Variants in SLC35F2 observed in about 807,000 individuals in gnomAD.
SLC35F2 encodes solute carrier family 35 member F2, also known as queuine/queuosine transporter SLC35F2.
SLC35F2 carries 25 observed loss-of-function variants against 38.1 expected under a neutral mutation model. That is an observed-to-expected ratio of 0.66 (90% CI 0.48 to 0.92). SLC35F2 has a LOEUF of 0.92. Ranked by LOEUF, SLC35F2 falls within the 40% of genes least tolerant of loss-of-function variation. SLC35F2 has a pLI of 0.00. For missense variants in SLC35F2, 409 were observed against 452.9 expected (o/e 0.90, Z 0.88); for synonymous variants, 173 against 181.7 (o/e 0.95, Z 0.38).
chr11:107,856,511 A>G (rs1272346499), intron 1 of SLC35F2, among the ~76,000 whole-genome samples: 1 of 152,230 alleles, frequency 6.6e-6, no homozygotes, highest in Non-Finnish European at 1.5e-5. Context: ...CCTGGTCAAC[A>G]TGGGGAAACC....
intron 7 of SLC35F2, among the ~76,000 whole-genome samples, chr11:107,798,568 G>T (rs1859256181): frequency 6.6e-6 from 1 of 152,068 alleles, no homozygotes; most frequent in African/African-American, 2.4e-5. Flanking sequence ...CTTTGTGTCT[G>T]GATCTATACA....
Position 107,791,077 on chromosome 11 carries a change from A to G in SLC35F2, c.*1538T>C, listed in dbSNP as rs1486934790. ...ACATTGTTACAAAAAATTTACATAC[A>G]GTTTTCTGAAAGTGGCATTTTGTTG... On this transcript the variant is annotated 3_prime_UTR_variant, in exon 8 of 8. Transcript: ENST00000525815. The G allele has an allele frequency of 6.6e-6, 1 of 152,554 alleles. No homozygotes were observed. The highest frequency in any genetic ancestry group is 2.4e-5 in the African/African-American group (1 of 41,408). 9.5% of individuals were successfully genotyped at this position (152,554 alleles called of 1,614,324 possible). A position where few individuals can be genotyped will look rare whatever the true frequency, so the allele number is the denominator to read the frequency against.
rs1031289747 is a variant in SLC35F2, at chr11:107,843,697, T to A, written c.110+14961A>T. ...TAGCAAGACCCCATTTCTACAAAAA[T>A]TTTTTTAAAATTAGGTCTAGAGATG... On this transcript the variant is annotated intron_variant, in intron 1 of 7. Transcript: ENST00000525815. Among the ~76,000 whole-genome samples, 48 of 150,988 alleles carry A rather than the reference T, an allele frequency of 3.2e-4. 1 individual carries two copies. The highest frequency in any genetic ancestry group is 1.2e-4 in the Non-Finnish European group (8 of 67,760).
chr11:107,853,647 G>C (rs1860226076), intron 1 of SLC35F2, among the ~76,000 whole-genome samples: 1 of 149,350 alleles, frequency 6.7e-6, no homozygotes, highest in Non-Finnish European at 1.5e-5. Context: ...GTGAACCCGG[G>C]AGGCGGAGCT....
intron 1 of SLC35F2, among the ~76,000 whole-genome samples, chr11:107,822,932 T>C (rs1457402994): frequency 1.3e-5 from 2 of 151,802 alleles, no homozygotes; most frequent in African/African-American, 4.9e-5. Flanking sequence ...TAAACACTAG[T>C]TTTACATTAT....
rs925369730 is a variant in SLC35F2, at chr11:107,858,529, A to G, written c.110+129T>C. ...GTGTGCGTGTTGAGCCCCGAACCGA[A>G]GTCCGTGCGGCCGCCACCTCTGCCT... On this transcript the variant is annotated intron_variant, in intron 1 of 7. Transcript: ENST00000525815. 4 of 827,082 alleles carry G rather than the reference A, an allele frequency of 4.8e-6. No homozygotes were observed. In the South Asian group the frequency reaches 1.9e-4, roughly 40 times the overall value. The allele number at this position is 827,082 out of a possible 1,614,324, so 51.2% of individuals were successfully genotyped here.
intron 1 of SLC35F2, chr11:107,824,052 G>A: frequency 2.1e-6 from 2 of 962,826 alleles, no homozygotes; most frequent in Non-Finnish European, 2.5e-6. Flanking sequence ...CAAAAGTTTA[G>A]CCATCAATGT....
At chr11:107,822,426 T>A (rs1325004296) in intron 1 of SLC35F2, among the ~76,000 whole-genome samples, 2 of 152,196 alleles carry the variant, frequency 1.3e-5, no homozygotes, top group Non-Finnish European at 1.5e-5. Flanking sequence ...AGTCATATAT[T>A]CACCAAAGTT....
chr11:107,858,534 G>C (rs1185378024), intron 1 of SLC35F2, 124 bp downstream of exon 1: 4 of 891,706 alleles, frequency 4.5e-6, no homozygotes, highest in Admixed American at 8.6e-5. Context: ...ACCGAAGTCC[G>C]TGCGGCCGCC....
At chr11:107,819,785 A>T (rs1384442794) in intron 1 of SLC35F2, among the ~76,000 whole-genome samples, 2 of 152,200 alleles carry the variant, frequency 1.3e-5, no homozygotes, top group Non-Finnish European at 2.9e-5. Context: ...TGTTCAATTA[A>T]TACCTATCAC....
chr11:107,794,036 AATCCATACAAAAGTTGAAGT>A (rs1859176662), intron 7 of SLC35F2, among the ~76,000 whole-genome samples: 1 of 152,170 alleles, frequency 6.6e-6, no homozygotes, highest in South Asian at 2.1e-4. Flanking sequence ...TTGAGTTGAA[AATCCATACAAAAGTTGAAGT>A]ATTAAAGAAA....
intron 6 of SLC35F2, among the ~76,000 whole-genome samples, chr11:107,803,776 A>AACAC (rs71047623): frequency 3.1e-4 from 46 of 149,570 alleles, no homozygotes; most frequent in African/African-American, 5.7e-4. Context: ...TCCCATACTC[A>AACAC]ACACACACAC....
intron 6 of SLC35F2, among the ~76,000 whole-genome samples, chr11:107,803,895 A>G (rs1859355964): frequency 6.6e-6 from 1 of 151,780 alleles, no homozygotes; most frequent in Admixed American, 6.6e-5. Context: ...GCGCAATCTC[A>G]GCTCACTGCA....
At chr11:107,843,040 T>C (rs1286636827) in intron 1 of SLC35F2, among the ~76,000 whole-genome samples, 2 of 152,210 alleles carry the variant, frequency 1.3e-5, no homozygotes, top group Non-Finnish European at 2.9e-5. Flanking sequence ...ATCAACGTGA[T>C]ATAAGGGGAT....
intron 7 of SLC35F2, among the ~76,000 whole-genome samples, chr11:107,797,772 G>C (rs1325327832): frequency 6.6e-6 from 1 of 152,008 alleles, no homozygotes; most frequent in Non-Finnish European, 1.5e-5. Context: ...ATGCTTCCTG[G>C]ATTAAATGAT....
intron 1 of SLC35F2, among the ~76,000 whole-genome samples, chr11:107,819,049 G>T (rs901296127): frequency 3.3e-5 from 5 of 152,118 alleles, no homozygotes; most frequent in Non-Finnish European, 7.4e-5. Flanking sequence ...TGACCTGATG[G>T]GAGCCATCTA....
At chr11:107,847,860 G>A (rs1860123146) in intron 1 of SLC35F2, among the ~76,000 whole-genome samples, 1 of 152,178 alleles carries the variant, frequency 6.6e-6, no homozygotes, top group African/African-American at 2.4e-5. Flanking sequence ...AGTGCCAAGT[G>A]AGAGAGGGAC....
At chr11:107,851,061 G>A (rs573766790) in intron 1 of SLC35F2, among the ~76,000 whole-genome samples, 12 of 151,770 alleles carry the variant, frequency 7.9e-5, no homozygotes, top group South Asian at 2.1e-4. Context: ...TCAGGAGTTC[G>A]AGACCAGCCT....
chr11:107,801,419 ATTTT>A (rs202046472), intron 7 of SLC35F2, among the ~76,000 whole-genome samples: 2 of 152,054 alleles, frequency 1.3e-5, no homozygotes, highest in East Asian at 1.9e-4. Context: ...TCTTCTCACT[ATTTT>A]TTTATTTTGA....
Sources: gnomAD v4.1 joint callset for allele counts (sites outside exome capture counted in the v4.1 genomes callset) on GRCh38, gnomAD v4.1.1 for gene constraint, MANE v1.5 for transcripts, NCBI Gene and HGNC (gene_info 2026-07-23, HGNC 2026-07-21) for gene names.